Variants in OR2Z1 observed in about 807,000 individuals in gnomAD.
OR2Z1 encodes the protein olfactory receptor family 2 subfamily Z member 1, also known as olfactory receptor 2Z1.
For missense variants in OR2Z1, 449 were observed against 401.8 expected, an observed-to-expected ratio of 1.12 and a Z score of -1.00; for synonymous variants, 188 against 160.6, an observed-to-expected ratio of 1.17 and a Z score of -1.29.
Position 8,731,489 on chromosome 19 carries a change from T to A in OR2Z1, c.461T>A (p.Leu154His). 6.2e-7 allele frequency: 1 copy of A among 1,614,036 alleles called. No homozygotes were observed. ...MMGSSWVVGV[L>H]NASIQTSITL... is the part of the protein sequence containing the mutation. The stretch of plus-strand genomic sequence containing the variant: ...GGCTCCTCCTGGGTGGTAGGTGTGC[T>A]CAACGCCTCCATCCAGACCTCCATC... The change falls in exon 3 of 3, where the codon CTC (leucine) becomes CAC (histidine). Residue 154 changes from leucine (L) to histidine (H), a missense_variant. By Grantham distance (99) the Leu-to-His change is moderately conservative. Coordinates refer to ENST00000641125, the MANE Select transcript of OR2Z1 (RefSeq NM_001004699.3).
At chr19:8,729,682 C>T (rs2043343287) in intron 2 of OR2Z1, among the ~76,000 whole-genome samples, 1 of 152,036 alleles carries the variant, frequency 6.6e-6, no homozygotes, top group Non-Finnish European at 1.5e-5. Context: ...CCTCCGCCTC[C>T]TGGGTTCAAG....
Position 8,732,004 on chromosome 19 carries a change from G to C in OR2Z1, c.*31G>C, listed in dbSNP as rs368382184. 1 of 1,517,124 alleles carries C rather than the reference G, an allele frequency of 6.6e-7. No individual in the cohort carries two copies. Among genetic ancestry groups the C allele is most frequent in the East Asian group, 2.3e-5 (1 of 44,134 alleles). The allele number at this position is 1,517,124 out of a possible 1,614,324, so 94.0% of individuals were successfully genotyped here. The stretch of plus-strand genomic sequence containing the variant: ...TAGAAACTGCTGGTGAGATTCCAGC[G>C]GTCCTCGATCCCACCCACCTTCCCA... On this transcript the variant is annotated 3_prime_UTR_variant, in exon 3 of 3. Coordinates refer to ENST00000641125, the MANE Select transcript of OR2Z1 (RefSeq NM_001004699.3).
At chr19:8,724,323 C>T (rs62117999) in intron 2 of OR2Z1, among the ~76,000 whole-genome samples, 21,166 of 151,954 alleles carry the variant, frequency 0.14, 1,872 homozygotes, top group East Asian at 0.33. Flanking sequence ...GCAGCTTCCA[C>T]CTCCTGGGCT....
Position 8,731,160 on chromosome 19 carries a change from T to G in OR2Z1, c.132T>G (p.Val44=). Residue 44 remains valine (V), a synonymous_variant, in exon 3 of 3, where the codon GTT becomes GTG. Coordinates refer to ENST00000641125, the MANE Select transcript of OR2Z1 (RefSeq NM_001004699.3). ...MFVIGLLGNT[V]LLFLIRVDSR... The stretch of plus-strand genomic sequence containing the variant: ...TCATAGGCCTTCTGGGCAACACCGT[T>G]CTTCTCTTCTTGATCCGTGTGGACT... The G allele has an allele frequency of 6.2e-7, 1 of 1,614,076 alleles. No individual in the cohort carries two copies. The highest frequency in any genetic ancestry group is 1.1e-5 in the South Asian group (1 of 91,076).
chr19:8,728,181 G>T (rs1259940652), intron 2 of OR2Z1, among the ~76,000 whole-genome samples: 3 of 152,170 alleles, frequency 2.0e-5, no homozygotes, highest in African/African-American at 7.2e-5. Flanking sequence ...ATTTTCCATT[G>T]CTGGAGTTGT....
In OR2Z1 at chr19:8,728,920, G is replaced by A. The variant is rs782588560; in HGVS notation, c.-169-1940G>A. 5.6e-4 allele frequency: 371 copies of A among 664,234 alleles called. 5 individuals are homozygous for A. The highest frequency in any genetic ancestry group is 1.5e-3 in the South Asian group (108 of 71,878). The allele number at this position is 664,234 out of a possible 1,614,324, so 41.1% of individuals were successfully genotyped here. A position where few individuals can be genotyped will look rare whatever the true frequency, so the allele number is the denominator to read the frequency against. Reference sequence around the variant, plus strand: ...GCTTCAATGTCCACAATGAACGAAAGTGTGTCATTGTCTTCTATCTTCTTG... The same window carrying A: ...GCTTCAATGTCCACAATGAACGAAAATGTGTCATTGTCTTCTATCTTCTTG... On this transcript the variant is annotated intron_variant, in intron 2 of 2. Transcript: ENST00000641125.
At chr19:8,728,722 A>G in intron 2 of OR2Z1, 1 of 576,066 alleles carries the variant, frequency 1.7e-6, no homozygotes, top group Non-Finnish European at 3.3e-6. Context: ...AGAATTAGCC[A>G]GCTGGACTCA....
At chr19:8,729,875 C>A (rs1389659083) in intron 2 of OR2Z1, among the ~76,000 whole-genome samples, 1 of 152,046 alleles carries the variant, frequency 6.6e-6, no homozygotes, top group Non-Finnish European at 1.5e-5. Flanking sequence ...TAGCCATGAG[C>A]CACCATCCCC....
In OR2Z1 at chr19:8,731,852, C is replaced by T; in HGVS notation, c.824C>T (p.Ser275Phe). The T allele has an allele frequency of 6.2e-7, 1 of 1,614,180 alleles. No homozygotes were observed. Among genetic ancestry groups the T allele is most frequent in the Non-Finnish European group, 8.5e-7 (1 of 1,180,036 alleles). Residue 275 changes from serine to phenylalanine, a missense_variant, in exon 3 of 3, where the codon TCC (serine) becomes TTC (phenylalanine). Ser to Phe is a radical substitution (Grantham distance 155). Transcript: ENST00000641125. ...YHSPQQDNVV[S>F]LFYSLVTPTL... is the part of the protein sequence containing the mutation. ...AGTCCACAGCAGGATAACGTGGTTT[C>T]CCTCTTCTATAGCCTTGTCACCCCT... is the stretch of plus-strand genomic sequence containing the variant.
At chr19:8,727,475 A>G (rs1469146443) in intron 2 of OR2Z1, among the ~76,000 whole-genome samples, 1 of 152,218 alleles carries the variant, frequency 6.6e-6, no homozygotes, top group Non-Finnish European at 1.5e-5. Flanking sequence ...TAATGGGTGC[A>G]GCACACCAAC....
intron 2 of OR2Z1, among the ~76,000 whole-genome samples, chr19:8,726,342 T>C (rs782678914): frequency 1.1e-4 from 16 of 152,134 alleles, no homozygotes; most frequent in Non-Finnish European, 1.9e-4. Context: ...TACTAAACCA[T>C]TCATGAGAAG....
At position 8,731,277 on chromosome 19, in the gene OR2Z1, A is replaced by T; in HGVS notation, c.249A>T (p.Ser83=). ...CPMVTIPKMA[S]DFLRGEGATS... ...TGGTCACCATCCCCAAGATGGCATC[A>T]GACTTTCTGCGGGGAGAAGGTGCCA... is the stretch of plus-strand genomic sequence containing the variant. Residue 83 remains serine, a synonymous_variant, in exon 3 of 3, where the codon TCA becomes TCT. Coordinates refer to ENST00000641125, the MANE Select transcript of OR2Z1 (RefSeq NM_001004699.3). 1 of 1,614,112 alleles carries T rather than the reference A, an allele frequency of 6.2e-7. No homozygotes were observed. The highest frequency in any genetic ancestry group is 8.5e-7 in the Non-Finnish European group (1 of 1,180,020).
Position 8,731,184 on chromosome 19 carries a change from C to A in OR2Z1, c.156C>A (p.Asp52Glu), listed in dbSNP as rs372742614. Residue 52 changes from aspartate (D) to glutamate (E), a missense_variant, in exon 3 of 3, where the codon GAC becomes GAA. By Grantham distance (45) the Asp-to-Glu change is conservative. Transcript: ENST00000641125. ...NTVLLFLIRVDSRLHTPMYFL... is the reference protein window; with the variant it reads ...NTVLLFLIRVESRLHTPMYFL... ...TTCTTCTCTTCTTGATCCGTGTGGA[C>A]TCCCGGCTCCACACACCCATGTACT... is the stretch of plus-strand genomic sequence containing the variant. The A allele has an allele frequency of 1.9e-5, 30 of 1,613,974 alleles. No individual in the cohort carries two copies. Among genetic ancestry groups the A allele is most frequent in the Admixed American group, 6.7e-5 (4 of 59,984 alleles).
intron 2 of OR2Z1, among the ~76,000 whole-genome samples, chr19:8,724,208 C>T (rs905728640): frequency 4.0e-5 from 6 of 148,962 alleles, no homozygotes; most frequent in African/African-American, 9.8e-5. Flanking sequence ...CCCCAAAATT[C>T]ATAGAGGTAT....
chr19:8,730,954 T>G lies in OR2Z1; in HGVS notation c.-75T>G. On this transcript the variant is annotated 5_prime_UTR_variant, in exon 3 of 3. Transcript: ENST00000641125. ...TGATGATTGGCATGTGAGATGAAAATTATTTGCCACCCCATGCAGGCTTCT... is the reference window on the plus strand; with the variant it reads ...TGATGATTGGCATGTGAGATGAAAAGTATTTGCCACCCCATGCAGGCTTCT... The G allele has an allele frequency of 8.3e-7, 1 of 1,200,112 alleles. No homozygotes were observed. 74.3% of individuals were successfully genotyped at this position (1,200,112 alleles called of 1,614,324 possible).
Position 8,731,646 on chromosome 19 carries a change from C to A in OR2Z1, c.618C>A (p.Ile206=). 4.3e-6 allele frequency: 7 copies of A among 1,614,064 alleles called. No individual in the cohort carries two copies. The highest frequency in any genetic ancestry group is 5.9e-6 in the Non-Finnish European group (7 of 1,180,012). Residue 206 remains isoleucine (I), a synonymous_variant, in exon 3 of 3, where the codon ATC becomes ATA. Coordinates refer to ENST00000641125, the MANE Select transcript of OR2Z1 (RefSeq NM_001004699.3). ...EMALSTSGVL[I]LMLPLSLIAT... The stretch of plus-strand genomic sequence containing the variant: ...CGCTGTCCACCTCAGGGGTGCTGAT[C>A]CTAATGCTCCCTCTTTCCCTCATCG...
Position 8,730,766 on chromosome 19 carries a change from A to C in OR2Z1, c.-169-94A>C, listed in dbSNP as rs868940424. The C allele has an allele frequency of 2.1e-4, 112 of 531,516 alleles. 1 individual carries two copies. The highest frequency in any genetic ancestry group is 2.0e-3 in the South Asian group (88 of 44,692). The allele number at this position is 531,516 out of a possible 1,614,324, so 32.9% of individuals were successfully genotyped here. ...GGAGCAGTGGGTAGCTCTTCATTGGAGTGTGGCCAAGCGTCTCATTCAGAG... is the reference window on the plus strand; with the variant it reads ...GGAGCAGTGGGTAGCTCTTCATTGGCGTGTGGCCAAGCGTCTCATTCAGAG... On this transcript the variant is annotated intron_variant, in intron 2 of 2. Transcript: ENST00000641125.
chr19:8,725,474 C>G (rs1235132298), intron 2 of OR2Z1, among the ~76,000 whole-genome samples: 1 of 152,256 alleles, frequency 6.6e-6, no homozygotes, highest in South Asian at 2.1e-4. Context: ...AACTCCCATC[C>G]TCAAATGATC....
chr19:8,729,268 T>C, intron 2 of OR2Z1: 1 of 589,688 alleles, frequency 1.7e-6, no homozygotes, highest in East Asian at 3.1e-5. Flanking sequence ...CCCCAGTGTC[T>C]GCTGTTCCCC....
Sources: allele counts gnomAD v4.1 joint callset (sites outside exome capture counted in the v4.1 genomes callset), GRCh38; gene constraint gnomAD v4.1.1; transcripts MANE v1.5; gene names NCBI Gene and HGNC (gene_info 2026-07-23, HGNC 2026-07-21).